PCDHGA9: variants seen among roughly 807,000 people sequenced by gnomAD.
PCDHGA9 encodes the protein protocadherin gamma-A9.
Under a neutral mutation model 62.5 loss-of-function variants are expected in PCDHGA9, and 37 were observed. That is an observed-to-expected ratio of 0.59 (90% CI 0.46 to 0.78). The LOEUF is 0.78. Ranked by LOEUF, PCDHGA9 falls within the 30% of genes least tolerant of loss-of-function variation. The pLI is 0.00. For missense variants in PCDHGA9, 1,138 were observed against 1,166.2 expected (o/e 0.98, Z 0.35); for synonymous variants, 459 against 484.6 (o/e 0.95, Z 0.69).
At chr5:141,501,869 C>G (rs1595765055) in intron 2 of PCDHGA9, among the ~76,000 whole-genome samples, 1 of 152,130 alleles carries the variant, frequency 6.6e-6, no homozygotes, top group Non-Finnish European at 1.5e-5. Context: ...CCCAGGACGC[C>G]TCCTTACACT....
chr5:141,478,384 T>G, intron 1 of PCDHGA9: 1 of 1,613,658 alleles, frequency 6.2e-7, no homozygotes, highest in South Asian at 1.1e-5. Context: ...CGCCGCACCT[T>G]TACCATCAGG....
At position 141,476,304 on chromosome 5, in the gene PCDHGA9, C is replaced by T. The variant is rs769790423; in HGVS notation, c.2425-18503C>T. On this transcript the variant is annotated intron_variant, in intron 1 of 3. Coordinates refer to ENST00000573521, the MANE Select transcript of PCDHGA9 (RefSeq NM_018921.3). The surrounding 1 kb of genome is among the most constrained non-coding windows in gnomAD (Gnocchi z 7.6). Reference sequence around the variant, plus strand: ...GGTTTGGATCTCGGTAGCCTCTCAGCCCGCAGGTTCCGGGTGGTGTCTGGA... The same window carrying T: ...GGTTTGGATCTCGGTAGCCTCTCAGTCCGCAGGTTCCGGGTGGTGTCTGGA... The T allele has an allele frequency of 6.2e-7, 1 of 1,613,746 alleles. No individual in the cohort carries two copies. Among genetic ancestry groups the T allele is most frequent in the Admixed American group, 1.7e-5 (1 of 59,988 alleles).
intron 1 of PCDHGA9, among the ~76,000 whole-genome samples, chr5:141,455,133 CTG>C (rs2098814252): frequency 6.6e-6 from 1 of 151,392 alleles, no homozygotes; most frequent in African/African-American, 2.4e-5. Flanking sequence ...TTAAATTACA[CTG>C]TGTTAAATAA....
At chr5:141,458,172 T>A (rs1023447659) in intron 1 of PCDHGA9, among the ~76,000 whole-genome samples, 2 of 152,216 alleles carry the variant, frequency 1.3e-5, no homozygotes, top group African/African-American at 4.8e-5. Flanking sequence ...CACAGTAGTA[T>A]ACCTTACTTG....
intron 1 of PCDHGA9, among the ~76,000 whole-genome samples, chr5:141,449,753 C>T (rs1260240861): frequency 6.6e-6 from 1 of 151,246 alleles, no homozygotes; most frequent in East Asian, 1.9e-4. Context: ...ATTTTTATGA[C>T]ATTTGAGAGT....
intron 1 of PCDHGA9, chr5:141,407,930 C>G: frequency 2.0e-6 from 1 of 498,998 alleles, no homozygotes. Context: ...CGCACGGAGC[C>G]TCTGGGCGCC....
intron 1 of PCDHGA9, among the ~76,000 whole-genome samples, chr5:141,480,195 G>C (rs1350891459): frequency 6.6e-6 from 1 of 151,182 alleles, no homozygotes; most frequent in African/African-American, 2.4e-5. Flanking sequence ...CTTGAGGCCA[G>C]CAGTTCAAGA....
intron 2 of PCDHGA9, 79 bp downstream of exon 2, chr5:141,494,944 C>T: frequency 1.9e-6 from 3 of 1,609,850 alleles, no homozygotes; most frequent in Non-Finnish European, 2.5e-6. Context: ...TGGGGGAGGG[C>T]CCAGCATTTG....
chr5:141,428,388 C>A, intron 1 of PCDHGA9: 1 of 506,160 alleles, frequency 2.0e-6, no homozygotes, highest in African/African-American at 1.9e-5. Flanking sequence ...GCTCTTCCAG[C>A]CCCTCTGCCT....
In PCDHGA9 at chr5:141,402,781, T is replaced by G. The variant is rs1456317365; in HGVS notation, c.-172T>G. On this transcript the variant is annotated 5_prime_UTR_variant, in exon 1 of 4. Transcript: ENST00000573521. ...TCAGGACTCCATCCGGATTTCCAGT[T>G]CTGCGGCTACACAAAACCCGGCAGA... Among the ~76,000 whole-genome samples the G allele has an allele frequency of 1.3e-5, 2 of 152,200 alleles. No individual in the cohort carries two copies. The highest frequency in any genetic ancestry group is 2.9e-5 in the Non-Finnish European group (2 of 68,036).
intron 2 of PCDHGA9, among the ~76,000 whole-genome samples, chr5:141,496,468 C>T (rs1410143575): frequency 2.0e-5 from 3 of 152,126 alleles, no homozygotes; most frequent in Non-Finnish European, 4.4e-5. Context: ...AGTTATCTTT[C>T]CCCCATCCTG....
In PCDHGA9 at chr5:141,490,639, C is replaced by T. The variant is rs1345892739; in HGVS notation, c.2425-4168C>T. 25 of 1,614,200 alleles carry T rather than the reference C, an allele frequency of 1.5e-5. No homozygotes were observed. Among genetic ancestry groups the T allele is most frequent in the East Asian group, 2.2e-5 (1 of 44,878 alleles). ...TTACACTGCTTACATCCTAGAAAAC[C>T]GGCCTCCGGGCTCCCTTCTTTGCAC... On this transcript the variant is annotated intron_variant, in intron 1 of 3. Transcript: ENST00000573521. This position sits in a 1 kb window ranked among gnomAD's most constrained non-coding sequence, Gnocchi z 5.4.
intron 2 of PCDHGA9, among the ~76,000 whole-genome samples, chr5:141,500,180 TTA>T (rs2099797073): frequency 7.1e-6 from 1 of 140,608 alleles, no homozygotes; most frequent in African/African-American, 2.8e-5. Flanking sequence ...AGCTTCATTT[TTA>T]TTTTTATTTA....
chr5:141,441,179 C>G (rs150511376), intron 1 of PCDHGA9: 13 of 152,210 alleles, frequency 8.5e-5, no homozygotes, highest in South Asian at 2.1e-4. Context: ...ACTTCTAATT[C>G]CACAATGATT....
chr5:141,409,443 A>C (rs1276603306), intron 1 of PCDHGA9: 1 of 1,614,014 alleles, frequency 6.2e-7, no homozygotes, highest in East Asian at 2.2e-5. Context: ...GACCGAGAGC[A>C]GACACCAGAA....
intron 1 of PCDHGA9, among the ~76,000 whole-genome samples, chr5:141,459,461 G>A (rs1217201752): frequency 6.6e-6 from 1 of 152,214 alleles, no homozygotes; most frequent in Non-Finnish European, 1.5e-5. Flanking sequence ...GGACATTTGA[G>A]TTGTGTCCAG....
chr5:141,427,454 T>C (rs62379160), intron 1 of PCDHGA9: 18,356 of 489,902 alleles, frequency 0.037, 441 homozygotes, highest in Middle Eastern at 0.11. Context: ...GAGTTCCTTT[T>C]AGAATCGAAT....
At chr5:141,447,988 A>C (rs1234413003) in intron 1 of PCDHGA9, among the ~76,000 whole-genome samples, 1 of 152,018 alleles carries the variant, frequency 6.6e-6, no homozygotes, top group Non-Finnish European at 1.5e-5. Flanking sequence ...CGGGAGGCTG[A>C]GGCATGAGAA....
At chr5:141,470,323 A>G (rs1029928511) in intron 1 of PCDHGA9, among the ~76,000 whole-genome samples, 1 of 152,188 alleles carries the variant, frequency 6.6e-6, no homozygotes, top group Non-Finnish European at 1.5e-5. Context: ...AAATGATCCC[A>G]TAATTTGACC....
Sources: gnomAD v4.1 joint callset for allele counts (sites outside exome capture counted in the v4.1 genomes callset) on GRCh38, gnomAD v4.1.1 for gene constraint, Gnocchi (gnomAD v3.1) non-coding constraint, MANE v1.5 for transcripts, NCBI Gene and HGNC (gene_info 2026-07-23, HGNC 2026-07-21) for gene names.